The following SCFD2 variants were observed in gnomAD, a reference collection of about 807,000 sequenced individuals.
SCFD2 encodes sec1 family domain containing 2.
SCFD2 carries 54 observed loss-of-function variants against 58.9 expected under a neutral mutation model. The ratio of observed to expected loss-of-function variants is 0.92; its 90% CI spans 0.74 to 1.15. The LOEUF is 1.15. Ranked by LOEUF, SCFD2 falls within the 50% of genes most tolerant of loss-of-function variation. SCFD2 has a pLI of 0.00. For synonymous variants in SCFD2, 321 were observed against 335.9 expected, an observed-to-expected ratio of 0.96 and a Z score of 0.49; for missense variants, 805 against 836.6, an observed-to-expected ratio of 0.96 and a Z score of 0.47.
intron 5 of SCFD2, among the ~76,000 whole-genome samples, chr4:53,019,585 T>G (rs956717436): frequency 2.0e-5 from 3 of 152,180 alleles, no homozygotes; most frequent in Non-Finnish European, 2.9e-5. Flanking sequence ...AAGTTCCTCT[T>G]GGATTCAAAG....
At chr4:53,118,817 C>T (rs66506011) in intron 5 of SCFD2, among the ~76,000 whole-genome samples, 72,858 of 151,888 alleles carry the variant, frequency 0.48, 18,000 homozygotes, top group Middle Eastern at 0.57. Flanking sequence ...TATCTATTCC[C>T]TCTTATAATC....
chr4:53,137,826 T>C (rs888048289), intron 5 of SCFD2, among the ~76,000 whole-genome samples: 2 of 152,214 alleles, frequency 1.3e-5, no homozygotes, highest in African/African-American at 4.8e-5. Flanking sequence ...ATTAAAGTCT[T>C]GTTTTCCTTT....
chr4:52,994,088 G>T (rs1241230857), intron 5 of SCFD2, among the ~76,000 whole-genome samples: 2 of 152,184 alleles, frequency 1.3e-5, no homozygotes, highest in Non-Finnish European at 2.9e-5. Context: ...TGTTCCTGGG[G>T]CATCCTCAGG....
rs190563258 is a variant in SCFD2 at position 53,309,722 on chromosome 4, G to A, written c.1135+3914C>T. Reference sequence around the variant, plus strand: ...GGAAAGAATGAATTAGTACATTTCCGAGAAAGAAAGGAGAAATAATCTAAC... The same window carrying A: ...GGAAAGAATGAATTAGTACATTTCCAAGAAAGAAAGGAGAAATAATCTAAC... On this transcript the variant is annotated intron_variant, in intron 3 of 8. Transcript: ENST00000401642. 1.8e-3 allele frequency among the ~76,000 whole-genome samples: 272 copies of A among 152,224 alleles called. 1 individual carries two copies. The highest frequency in any genetic ancestry group is 5.6e-3 in the Admixed American group (86 of 15,292).
intron 4 of SCFD2, among the ~76,000 whole-genome samples, chr4:53,245,212 A>G (rs1194616618): frequency 6.6e-6 from 1 of 152,050 alleles, no homozygotes; most frequent in African/African-American, 2.4e-5. Context: ...TACTGAAACT[A>G]TTCAAAAAAT....
chr4:52,938,450 A>T (rs1369895637), intron 5 of SCFD2, among the ~76,000 whole-genome samples: 3 of 152,194 alleles, frequency 2.0e-5, no homozygotes, highest in Admixed American at 6.5e-5. Context: ...AAATAGTCCA[A>T]ATTTAAATAA....
chr4:53,126,081 T>G (rs1725618807), intron 5 of SCFD2, among the ~76,000 whole-genome samples: 2 of 152,158 alleles, frequency 1.3e-5, no homozygotes, highest in African/African-American at 2.4e-5. Flanking sequence ...GAGCTAAAAC[T>G]AATATGAAGT....
At chr4:52,923,311 T>C (rs1560482167) in intron 5 of SCFD2, among the ~76,000 whole-genome samples, 1 of 151,918 alleles carries the variant, frequency 6.6e-6, no homozygotes, top group African/African-American at 2.4e-5. Flanking sequence ...ACCCTGTCTC[T>C]ACAAAAAATG....
chr4:53,159,919 G>A (rs1020211013), intron 4 of SCFD2, among the ~76,000 whole-genome samples: 1 of 152,098 alleles, frequency 6.6e-6, no homozygotes, highest in Non-Finnish European at 1.5e-5. Flanking sequence ...AAAAGGATGG[G>A]ATGCACTTAA....
intron 1 of SCFD2, among the ~76,000 whole-genome samples, chr4:53,356,731 C>CTT (rs369411706): frequency 0.011 from 1,233 of 112,812 alleles, 39 homozygotes; most frequent in African/African-American, 0.026. Flanking sequence ...AACTTGTAGA[C>CTT]TTTTTTTTTT....
chr4:52,901,111 C>T (rs1012947711), intron 7 of SCFD2, among the ~76,000 whole-genome samples: 11 of 152,230 alleles, frequency 7.2e-5, no homozygotes, highest in Non-Finnish European at 1.5e-4. Context: ...GATGCCTCGA[C>T]CTGCTTTGGC....
chr4:52,932,544 T>G (rs917618325), intron 5 of SCFD2, among the ~76,000 whole-genome samples: 7 of 152,220 alleles, frequency 4.6e-5, no homozygotes, highest in Non-Finnish European at 8.8e-5. Context: ...TAGTGTCTTT[T>G]TTTTCATATT....
At chr4:52,985,456 A>G (rs1721467258) in intron 5 of SCFD2, among the ~76,000 whole-genome samples, 1 of 152,180 alleles carries the variant, frequency 6.6e-6, no homozygotes, top group East Asian at 1.9e-4. Flanking sequence ...AGGATCCCAA[A>G]TGCATTTATA....
chr4:53,123,903 C>G (rs1446086571), intron 5 of SCFD2, among the ~76,000 whole-genome samples: 1 of 152,182 alleles, frequency 6.6e-6, no homozygotes, highest in Non-Finnish European at 1.5e-5. Flanking sequence ...TCAGGTGATT[C>G]TGGCTTGCAG....
rs1293370527 is a variant in SCFD2 at position 53,026,735 on chromosome 4, T to C, written c.1562-105865A>G. 2.0e-5 allele frequency among the ~76,000 whole-genome samples: 3 copies of C among 152,202 alleles called. No individual in the cohort carries two copies. The East Asian group carries it at 5.8e-4, about 29-fold the overall frequency. ...CATAACTTCTAGACAACTAGAGTAG[T>C]AGTACTGCCATTACTTGAAGGTCAC... is the stretch of plus-strand genomic sequence containing the variant. On this transcript the variant is annotated intron_variant, in intron 5 of 8. Coordinates refer to ENST00000401642, the MANE Select transcript of SCFD2 (RefSeq NM_152540.4).
At chr4:53,132,807 A>C (rs1384424566) in intron 5 of SCFD2, among the ~76,000 whole-genome samples, 1 of 152,244 alleles carries the variant, frequency 6.6e-6, no homozygotes, top group Non-Finnish European at 1.5e-5. Context: ...CCAAGCCAGC[A>C]GGTATGCTCA....
At chr4:52,954,825 G>A (rs1209277514) in intron 5 of SCFD2, among the ~76,000 whole-genome samples, 1 of 152,188 alleles carries the variant, frequency 6.6e-6, no homozygotes, top group Non-Finnish European at 1.5e-5. Flanking sequence ...AGTGGGAAGA[G>A]GAGGGATTCT....
intron 5 of SCFD2, among the ~76,000 whole-genome samples, chr4:52,975,138 A>G (rs1294901998): frequency 6.6e-6 from 1 of 152,200 alleles, no homozygotes; most frequent in Non-Finnish European, 1.5e-5. Context: ...AAACACCAAA[A>G]GCAATGGCAA....
chr4:53,165,874 G>T (rs77099916), intron 4 of SCFD2, among the ~76,000 whole-genome samples: 192 of 152,310 alleles, frequency 1.3e-3, no homozygotes, highest in African/African-American at 4.4e-3. Context: ...TACAAGATAT[G>T]ATTTTCTCCA....
Sources: allele counts gnomAD v4.1 joint callset (sites outside exome capture counted in the v4.1 genomes callset), GRCh38; gene constraint gnomAD v4.1.1; transcripts MANE v1.5; gene names NCBI Gene and HGNC (gene_info 2026-07-23, HGNC 2026-07-21).